JAK1: variants seen among roughly 807,000 people sequenced by gnomAD.
JAK1 encodes the protein tyrosine-protein kinase JAK1.
A neutral mutation model predicts 136.6 loss-of-function variants in JAK1; 16 were observed. The ratio of observed to expected loss-of-function variants is 0.12; its 90% CI spans 0.08 to 0.18. JAK1 has a LOEUF of 0.18. Ranked by LOEUF, JAK1 falls within the 10% of genes least tolerant of loss-of-function variation. The pLI is 1.00. For synonymous variants in JAK1, 492 were observed against 519.5 expected (o/e 0.95, Z 0.72); for missense variants, 859 against 1,450.1 (o/e 0.59, Z 6.62).
At chr1:64,970,193 C>G (rs1486802909), upstream of JAK1, among the ~76,000 whole-genome samples, 1 of 146,658 alleles carries the variant, frequency 6.8e-6, no homozygotes, top group African/African-American at 2.6e-5. Context: ...AATCCTAGCA[C>G]TTTGGGAGGC....
At chr1:64,999,630 G>A (rs1646734359) in intron 2 of JAK1, among the ~76,000 whole-genome samples, 1 of 151,938 alleles carries the variant, frequency 6.6e-6, no homozygotes, top group Non-Finnish European at 1.5e-5. Context: ...AGCTTCTTGG[G>A]AGGCTGAAGC....
intron 10 of JAK1, 128 bp downstream of exon 10, chr1:64,857,528 T>C: frequency 7.6e-7 from 1 of 1,311,362 alleles, no homozygotes; most frequent in Non-Finnish European, 1.0e-6. Context: ...CCCAGGGATC[T>C]TCTCAGAGAC....
At chr1:64,938,102 G>A (rs1428374002) in intron 1 of JAK1, among the ~76,000 whole-genome samples, 1 of 151,674 alleles carries the variant, frequency 6.6e-6, no homozygotes, top group African/African-American at 2.4e-5. Flanking sequence ...GGATGGTCTC[G>A]ATCTCCTGAC....
chr1:64,966,672 C>G (rs1004478989), upstream of JAK1, among the ~76,000 whole-genome samples: 1 of 149,470 alleles, frequency 6.7e-6, no homozygotes, highest in Non-Finnish European at 1.5e-5. Flanking sequence ...GCGGTCCCGG[C>G]GGAGACTCTG....
chr1:64,888,244 T>C (rs375811374), intron 1 of JAK1, among the ~76,000 whole-genome samples: 2 of 152,228 alleles, frequency 1.3e-5, no homozygotes, highest in East Asian at 3.8e-4. Context: ...TGCAGTGGCA[T>C]GATCTCAGCT....
chr1:64,968,188 G>A (rs916435205), upstream of JAK1, among the ~76,000 whole-genome samples: 1 of 152,082 alleles, frequency 6.6e-6, no homozygotes, highest in African/African-American at 2.4e-5. Flanking sequence ...TTGTGCCCAC[G>A]AACGAATCTG....
At position 64,835,288 on chromosome 1, in the gene JAK1, T is replaced by C. The variant is rs184502518; in HGVS notation, c.3369+108A>G. ...CTTCAGAAAACTATTTTACAAGGAC[T>C]TCACTGCATCATTTCCTCGCTCTCC... On this transcript the variant is annotated intron_variant, in intron 24 of 24. Coordinates refer to ENST00000342505, the MANE Select transcript of JAK1 (RefSeq NM_002227.4). 210 of 595,278 alleles carry C rather than the reference T, an allele frequency of 3.5e-4. 1 individual carries two copies. Among genetic ancestry groups the C allele is most frequent in the South Asian group, 2.1e-3 (79 of 37,180 alleles). 36.9% of individuals were successfully genotyped at this position (595,278 alleles called of 1,614,324 possible). A position where few individuals can be genotyped will look rare whatever the true frequency, so the allele number is the denominator to read the frequency against.
chr1:65,037,578 C>T (rs1191309186), intron 2 of JAK1, among the ~76,000 whole-genome samples: 4 of 152,168 alleles, frequency 2.6e-5, no homozygotes, highest in Non-Finnish European at 4.4e-5. Context: ...TCAGACTGTA[C>T]ATTTCTAGTG....
intron 19 of JAK1, among the ~76,000 whole-genome samples, chr1:64,840,304 TG>T (rs1387176866): frequency 3.3e-5 from 5 of 151,886 alleles, no homozygotes; most frequent in Non-Finnish European, 7.4e-5. Context: ...TCGGGGACGG[TG>T]GGGGGAACTA....
upstream of JAK1, among the ~76,000 whole-genome samples, chr1:64,969,403 AC>A (rs146499067): frequency 7.7e-6 from 1 of 130,086 alleles, no homozygotes; most frequent in Non-Finnish European, 1.6e-5. Context: ...CCCCCATCAC[AC>A]CCCCCCGCAA....
At chr1:64,986,879 C>A (rs755429559) in intron 2 of JAK1, among the ~76,000 whole-genome samples, 1 of 151,888 alleles carries the variant, frequency 6.6e-6, no homozygotes. Context: ...CCAACAGCCA[C>A]CCCCCACCCA....
intron 1 of JAK1, among the ~76,000 whole-genome samples, chr1:64,902,434 A>G (rs1216892831): frequency 6.6e-6 from 1 of 152,054 alleles, no homozygotes; most frequent in Non-Finnish European, 1.5e-5. Context: ...CCCTTCACTC[A>G]CCCACTTGCT....
chr1:64,965,546 C>T (rs1034071671), intron 1 of JAK1, among the ~76,000 whole-genome samples: 3 of 152,130 alleles, frequency 2.0e-5, no homozygotes, highest in Non-Finnish European at 4.4e-5. Flanking sequence ...TCTATTAGTC[C>T]TCCGATGCTC....
chr1:64,940,018 G>A (rs532531496), intron 1 of JAK1, among the ~76,000 whole-genome samples: 2 of 152,214 alleles, frequency 1.3e-5, no homozygotes, highest in African/African-American at 4.8e-5. Context: ...ATTACATATT[G>A]CCAAGCCTTC....
intron 1 of JAK1, among the ~76,000 whole-genome samples, chr1:64,916,083 C>A (rs1325801444): frequency 1.3e-5 from 2 of 152,106 alleles, no homozygotes. Context: ...TTCACAAGCC[C>A]GAGGCACATG....
At chr1:64,885,937 T>C (rs971784469) in intron 2 of JAK1, among the ~76,000 whole-genome samples, 16 of 152,318 alleles carry the variant, frequency 1.1e-4, no homozygotes, top group African/African-American at 3.8e-4. Context: ...ATGGATAGTA[T>C]GATCATGCAT....
intron 2 of JAK1, among the ~76,000 whole-genome samples, chr1:64,975,012 C>G (rs1360904949): frequency 6.6e-6 from 1 of 151,982 alleles, no homozygotes; most frequent in Non-Finnish European, 1.5e-5. Context: ...CAGGTTCAAG[C>G]AATTCTCCTG....
intron 1 of JAK1, among the ~76,000 whole-genome samples, chr1:65,045,317 GTT>G (rs11362588): frequency 6.6e-6 from 1 of 151,682 alleles, no homozygotes; most frequent in African/African-American, 2.4e-5. Context: ...TTAGTGAAGG[GTT>G]TTTTTTTCTC....
At chr1:64,893,578 G>A (rs1644971167) in intron 1 of JAK1, among the ~76,000 whole-genome samples, 1 of 152,108 alleles carries the variant, frequency 6.6e-6, no homozygotes, top group African/African-American at 2.4e-5. Flanking sequence ...CTACTTTACA[G>A]GGTTGTTGTG....
Sources: gnomAD v4.1 joint callset for allele counts (sites outside exome capture counted in the v4.1 genomes callset) on GRCh38, gnomAD v4.1.1 for gene constraint, MANE v1.5 for transcripts, NCBI Gene and HGNC (gene_info 2026-07-23, HGNC 2026-07-21) for gene names.